SRFBP1: variants seen among roughly 807,000 people sequenced by gnomAD.
SRFBP1 encodes the protein serum response factor binding protein 1, also known as serum response factor-binding protein 1.
Under a neutral mutation model 45.5 loss-of-function variants are expected in SRFBP1, and 47 were observed. The ratio of observed to expected loss-of-function variants is 1.03; its 90% CI spans 0.82 to 1.32. SRFBP1 has a LOEUF of 1.32. SRFBP1 is among the 40% of genes most tolerant of loss of function. The probability of loss-of-function intolerance (pLI) is 0.00; values close to 1 mark genes in which losing one functional copy is unlikely to be tolerated. For missense variants in SRFBP1, 621 were observed against 484.6 expected, an observed-to-expected ratio of 1.28 and a Z score of -2.64; for synonymous variants, 203 against 166.3, an observed-to-expected ratio of 1.22 and a Z score of -1.70.
At chr5:121,994,796 A>G (rs1752686753) in intron 4 of SRFBP1, 126 bp downstream of exon 4, 1 of 585,342 alleles carries the variant, frequency 1.7e-6, no homozygotes, top group Non-Finnish European at 2.9e-6. Flanking sequence ...TCCTAACTGA[A>G]CTCCATTACT....
chr5:122,020,908 C>A, intron 6 of SRFBP1, 106 bp downstream of exon 6: 2 of 1,092,582 alleles, frequency 1.8e-6, no homozygotes, highest in Non-Finnish European at 2.5e-6. Flanking sequence ...TTTGTACAAC[C>A]CATCCTGTTT....
intron 2 of SRFBP1, among the ~76,000 whole-genome samples, chr5:122,069,439 T>A (rs532009634): frequency 6.6e-6 from 1 of 152,240 alleles, no homozygotes; most frequent in East Asian, 1.9e-4. Context: ...TTCATTATTT[T>A]CATCAGAGCA....
chr5:122,009,046 T>A (rs190536580), intron 4 of SRFBP1, among the ~76,000 whole-genome samples: 1 of 152,318 alleles, frequency 6.6e-6, no homozygotes, highest in African/African-American at 2.4e-5. Flanking sequence ...TAATGTATAC[T>A]CCCACCTTCA....
At chr5:122,045,927 T>G (rs900417751) in intron 2 of SRFBP1, among the ~76,000 whole-genome samples, 1 of 152,194 alleles carries the variant, frequency 6.6e-6, no homozygotes, top group African/African-American at 2.4e-5. Context: ...CATCCTTGTC[T>G]TTGCCTGCTT....
chr5:121,977,245 C>A (rs1311733523), intron 3 of SRFBP1, among the ~76,000 whole-genome samples: 2 of 151,960 alleles, frequency 1.3e-5, no homozygotes, highest in African/African-American at 4.8e-5. Flanking sequence ...CATAGAAAGC[C>A]AAATTCATAG....
chr5:122,070,000 T>A (rs1754403982), intron 2 of SRFBP1: 1 of 1,285,274 alleles, frequency 7.8e-7, no homozygotes, highest in Admixed American at 1.7e-5. Context: ...ATGTTTGGCA[T>A]GAACAAAAAT....
At chr5:122,019,113 A>T (rs952708226) in intron 4 of SRFBP1, 147 bp from the exon 5 acceptor site, 5 of 669,972 alleles carry the variant, frequency 7.5e-6, no homozygotes, top group Admixed American at 3.2e-5. Flanking sequence ...TGGATTGATT[A>T]TACAGATATC....
chr5:121,992,332 T>C (rs1454529455), intron 3 of SRFBP1, among the ~76,000 whole-genome samples: 4 of 152,038 alleles, frequency 2.6e-5, no homozygotes, highest in African/African-American at 7.2e-5. Flanking sequence ...TCTTCCCTCT[T>C]TCTTTCTCTT....
downstream of SRFBP1, among the ~76,000 whole-genome samples, chr5:122,030,792 C>T (rs1753578342): frequency 6.6e-6 from 1 of 152,058 alleles, no homozygotes; most frequent in South Asian, 2.1e-4. Flanking sequence ...AGTAACCACA[C>T]TACTAAGTTT....
At chr5:121,993,904 C>T (rs931761770) in intron 3 of SRFBP1, among the ~76,000 whole-genome samples, 2 of 151,550 alleles carry the variant, frequency 1.3e-5, no homozygotes, top group Non-Finnish European at 2.9e-5. Context: ...TCTTTCATTT[C>T]TACTTTTTCA....
chr5:122,036,021 G>A (rs1168107199), intron 2 of SRFBP1, among the ~76,000 whole-genome samples: 1 of 152,196 alleles, frequency 6.6e-6, no homozygotes, highest in African/African-American at 2.4e-5. Flanking sequence ...TTTCCCCATA[G>A]GACTTGGGAG....
At position 121,969,927 on chromosome 5, in the gene SRFBP1, G is replaced by A. The variant is rs941782068; in HGVS notation, c.37-4269G>A. Reference sequence around the variant, plus strand: ...CTCACACTATTCCTCTGTTCTTTCCGTCCCAAACAATAATCATACTGTTTT... The same window carrying A: ...CTCACACTATTCCTCTGTTCTTTCCATCCCAAACAATAATCATACTGTTTT... On this transcript the variant is annotated intron_variant, in intron 1 of 7. Coordinates refer to ENST00000339397, the MANE Select transcript of SRFBP1 (RefSeq NM_152546.3). 2.6e-4 allele frequency among the ~76,000 whole-genome samples: 40 copies of A among 151,720 alleles called. 1 individual carries two copies. In the Middle Eastern group the frequency reaches 0.017, roughly 65 times the overall value.
chr5:121,967,104 T>C (rs1197708144), intron 1 of SRFBP1, among the ~76,000 whole-genome samples: 1 of 152,088 alleles, frequency 6.6e-6, no homozygotes, highest in East Asian at 1.9e-4. Context: ...ATTTTATTGT[T>C]TGATAGCAAA....
At chr5:122,073,914 G>A (rs1429623082) in intron 2 of SRFBP1, 4 of 1,088,888 alleles carry the variant, frequency 3.7e-6, no homozygotes, top group Non-Finnish European at 4.1e-6. Context: ...TGATAAAAAT[G>A]TGTGTGCTCT....
At chr5:122,042,098 A>G (rs1362501954) in intron 2 of SRFBP1, among the ~76,000 whole-genome samples, 1 of 152,104 alleles carries the variant, frequency 6.6e-6, no homozygotes, top group Non-Finnish European at 1.5e-5. Context: ...ATAACTCTGA[A>G]AGAACATTTG....
At chr5:121,965,940 T>C (rs1431836085) in intron 1 of SRFBP1, among the ~76,000 whole-genome samples, 2 of 152,220 alleles carry the variant, frequency 1.3e-5, no homozygotes, top group Non-Finnish European at 1.5e-5. Flanking sequence ...TTTATTCTCT[T>C]TGTGCAATTG....
intron 3 of SRFBP1, among the ~76,000 whole-genome samples, chr5:121,978,643 C>T (rs1752351456): frequency 6.6e-6 from 1 of 152,100 alleles, no homozygotes; most frequent in African/African-American, 2.4e-5. Flanking sequence ...AGTTGCCTGC[C>T]ATCATGCCTG....
At chr5:122,067,999 G>GT (rs953776802) in intron 2 of SRFBP1, among the ~76,000 whole-genome samples, 2 of 151,758 alleles carry the variant, frequency 1.3e-5, no homozygotes, top group African/African-American at 4.8e-5. Context: ...AAGGTGTGGG[G>GT]TTTTTTTCTC....
chr5:122,030,546 C>T (rs1753572174), downstream of SRFBP1, among the ~76,000 whole-genome samples: 1 of 151,698 alleles, frequency 6.6e-6, no homozygotes. Flanking sequence ...TTAGAGCTTG[C>T]CCAATGAGAT....
Sources: allele counts gnomAD v4.1 joint callset (sites outside exome capture counted in the v4.1 genomes callset), GRCh38; gene constraint gnomAD v4.1.1; transcripts MANE v1.5; gene names NCBI Gene and HGNC (gene_info 2026-07-23, HGNC 2026-07-21).